Variants in SDCCAG8 observed in about 807,000 individuals in gnomAD.
The protein encoded by SDCCAG8 is SHH signaling and ciliogenesis regulator SDCCAG8, also known as serologically defined colon cancer antigen 8.
SDCCAG8 carries 74 observed loss-of-function variants against 101.8 expected under a neutral mutation model. That is an observed-to-expected ratio of 0.73 (90% CI 0.60 to 0.88). SDCCAG8 has a LOEUF of 0.88. Among genes scored for constraint, SDCCAG8 ranks in the 40% least tolerant of loss-of-function variants. The probability of loss-of-function intolerance (pLI) is 0.00; values close to 1 mark genes in which losing one functional copy is unlikely to be tolerated. For missense variants in SDCCAG8, 787 were observed against 822.6 expected, an observed-to-expected ratio of 0.96 and a Z score of 0.53; for synonymous variants, 281 against 292.9, an observed-to-expected ratio of 0.96 and a Z score of 0.41.
intron 13 of SDCCAG8, among the ~76,000 whole-genome samples, chr1:243,406,919 T>C (rs1392780821): frequency 6.6e-6 from 1 of 152,040 alleles, no homozygotes; most frequent in East Asian, 1.9e-4. Context: ...AAGCTTCTGA[T>C]TTTTTTTAAG....
chr1:243,481,718 G>C (rs1328350782), intron 16 of SDCCAG8, among the ~76,000 whole-genome samples: 1 of 152,192 alleles, frequency 6.6e-6, no homozygotes, highest in Non-Finnish European at 1.5e-5. Context: ...TGTAGTCAGA[G>C]TGACCACAGG....
chr1:243,453,540 A>C (rs570925570), intron 16 of SDCCAG8, among the ~76,000 whole-genome samples: 2 of 152,308 alleles, frequency 1.3e-5, no homozygotes, highest in African/African-American at 4.8e-5. Context: ...CAAGAGTGTG[A>C]ATCACAAACC....
chr1:243,376,819 A>G (rs916983628), intron 12 of SDCCAG8, among the ~76,000 whole-genome samples: 2 of 152,154 alleles, frequency 1.3e-5, no homozygotes, highest in Non-Finnish European at 1.5e-5. Context: ...AACTGATTGT[A>G]CACATTGATC....
intron 15 of SDCCAG8, among the ~76,000 whole-genome samples, chr1:243,420,501 A>G (rs2080923316): frequency 6.6e-6 from 1 of 152,194 alleles, no homozygotes; most frequent in Non-Finnish European, 1.5e-5. Context: ...GCCACAATGA[A>G]AGCCTTTTTA....
intron 16 of SDCCAG8, among the ~76,000 whole-genome samples, chr1:243,453,495 TG>T (rs1384223466): frequency 6.6e-6 from 1 of 152,192 alleles, no homozygotes; most frequent in Admixed American, 6.5e-5. Context: ...AGTAGGCTGA[TG>T]TCTCAATGTA....
chr1:243,478,452 G>A (rs1223359448), intron 16 of SDCCAG8, among the ~76,000 whole-genome samples: 1 of 152,112 alleles, frequency 6.6e-6, no homozygotes. Flanking sequence ...CCCATCACTT[G>A]GGGGCATCCC....
At chr1:243,269,443 T>C (rs1241834020) in intron 1 of SDCCAG8, among the ~76,000 whole-genome samples, 1 of 151,936 alleles carries the variant, frequency 6.6e-6, no homozygotes, top group Non-Finnish European at 1.5e-5. Context: ...AAATACTTCA[T>C]TTTAGACAGT....
chr1:243,429,039 A>C (rs2081533163), intron 16 of SDCCAG8, among the ~76,000 whole-genome samples: 1 of 152,210 alleles, frequency 6.6e-6, no homozygotes, highest in Non-Finnish European at 1.5e-5. Context: ...TGGGACCCAT[A>C]CGAAGTGCCA....
chr1:243,398,607 T>C (rs1230077054), intron 13 of SDCCAG8, among the ~76,000 whole-genome samples: 3 of 152,234 alleles, frequency 2.0e-5, no homozygotes, highest in Non-Finnish European at 2.9e-5. Context: ...TGCCATCTCT[T>C]CCATCATAAT....
At chr1:243,387,666 C>G (rs2078394906) in intron 13 of SDCCAG8, among the ~76,000 whole-genome samples, 1 of 152,164 alleles carries the variant, frequency 6.6e-6, no homozygotes, top group Non-Finnish European at 1.5e-5. Flanking sequence ...GTGATAGAGG[C>G]TGCCTTTCCA....
intron 7 of SDCCAG8, chr1:243,306,089 A>G (rs1200617760): frequency 1.3e-5 from 2 of 151,100 alleles, no homozygotes; most frequent in African/African-American, 4.9e-5. Flanking sequence ...CCATCTAAAA[A>G]AAAAAAAAAA....
At chr1:243,292,272 T>A (rs1424485740) in intron 5 of SDCCAG8, among the ~76,000 whole-genome samples, 2 of 152,210 alleles carry the variant, frequency 1.3e-5, no homozygotes, top group African/African-American at 4.8e-5. Flanking sequence ...GGAGTGGGGC[T>A]GTAAGTTCTA....
intron 12 of SDCCAG8, among the ~76,000 whole-genome samples, chr1:243,347,087 C>A (rs189615752): frequency 2.6e-5 from 4 of 152,254 alleles, no homozygotes; most frequent in Admixed American, 6.5e-5. Context: ...CCATCTATCT[C>A]ACTTTTTTCT....
intron 1 of SDCCAG8, among the ~76,000 whole-genome samples, chr1:243,261,823 C>G (rs1036662382): frequency 6.7e-6 from 1 of 148,302 alleles, no homozygotes; most frequent in Non-Finnish European, 1.5e-5. Context: ...ACATATTCAT[C>G]TTTTGTTTTA....
intron 5 of SDCCAG8, among the ~76,000 whole-genome samples, chr1:243,289,022 A>AG (rs1273733528): frequency 9.9e-5 from 15 of 151,462 alleles, no homozygotes; most frequent in African/African-American, 3.6e-4. Context: ...AAAAAAAAAA[A>AG]GATAATTGAA....
chr1:243,372,153 C>G (rs1295126396), intron 12 of SDCCAG8, among the ~76,000 whole-genome samples: 1 of 152,014 alleles, frequency 6.6e-6, no homozygotes, highest in Non-Finnish European at 1.5e-5. Context: ...TATATACTAC[C>G]TTACTTTTGG....
chr1:243,292,982 C>T, intron 5 of SDCCAG8, 109 bp from the exon 6 acceptor site: 1 of 1,254,962 alleles, frequency 8.0e-7, no homozygotes, highest in Non-Finnish European at 1.2e-6. Flanking sequence ...AGTGTAGAAG[C>T]ATATGCTTTT....
chr1:243,257,354 C>T (rs1392157973), intron 1 of SDCCAG8, among the ~76,000 whole-genome samples: 1 of 152,044 alleles, frequency 6.6e-6, no homozygotes, highest in African/African-American at 2.4e-5. Flanking sequence ...GCATAATATG[C>T]CTACTATGTG....
intron 4 of SDCCAG8, among the ~76,000 whole-genome samples, chr1:243,277,584 C>A (rs1359510887): frequency 6.6e-6 from 1 of 152,188 alleles, no homozygotes; most frequent in Non-Finnish European, 1.5e-5. Context: ...TATTTTCTCC[C>A]AGTCTTTGAC....
Sources: gnomAD v4.1 joint callset for allele counts (sites outside exome capture counted in the v4.1 genomes callset) on GRCh38, gnomAD v4.1.1 for gene constraint, MANE v1.5 for transcripts, NCBI Gene and HGNC (gene_info 2026-07-23, HGNC 2026-07-21) for gene names.